Variants in P2RY12 observed in about 807,000 individuals in gnomAD.
P2RY12 encodes P2Y purinoceptor 12.
Under a neutral mutation model 4.5 loss-of-function variants are expected in P2RY12, and 3 were observed. The ratio of observed to expected loss-of-function variants is 0.67; its 90% CI spans 0.31 to 1.74. The LOEUF (loss-of-function observed/expected upper bound fraction) is 1.74, where lower values mean the gene tolerates loss of function less well. P2RY12 is among the 40% of genes most tolerant of loss of function. P2RY12 has a pLI of 0.09. For missense variants in P2RY12, 356 were observed against 407.8 expected (o/e 0.87, Z 1.09); for synonymous variants, 148 against 154.1 (o/e 0.96, Z 0.29).
intron 1 of P2RY12, among the ~76,000 whole-genome samples, chr3:151,350,770 A>G (rs1434572110): frequency 1.3e-5 from 2 of 152,242 alleles, no homozygotes; most frequent in African/African-American, 2.4e-5. Flanking sequence ...TCTTTGCTCT[A>G]TAATGTCTTC....
chr3:151,358,189 A>C (rs1754168626), intron 1 of P2RY12, among the ~76,000 whole-genome samples: 1 of 152,124 alleles, frequency 6.6e-6, no homozygotes, highest in South Asian at 2.1e-4. Flanking sequence ...CTATTCTGGG[A>C]AAGAGGAAAT....
At chr3:151,371,551 T>C (rs1251141038) in intron 1 of P2RY12, among the ~76,000 whole-genome samples, 4 of 152,230 alleles carry the variant, frequency 2.6e-5, no homozygotes, top group African/African-American at 4.8e-5. Context: ...AAATACTCAG[T>C]AAGCCATTTT....
intron 1 of P2RY12, chr3:151,357,123 G>A (rs1754031476): frequency 1.9e-6 from 2 of 1,071,564 alleles, no homozygotes. Context: ...GTAGTGTAAT[G>A]ACTCAGTATA....
At chr3:151,365,703 A>G in intron 1 of P2RY12, 1 of 695,652 alleles carries the variant, frequency 1.4e-6, no homozygotes, top group Non-Finnish European at 2.2e-6. Flanking sequence ...GGTTCTACTA[A>G]GTTATTTGAC....
intron 1 of P2RY12, chr3:151,376,267 T>C (rs1756841958): frequency 7.8e-7 from 1 of 1,285,260 alleles, no homozygotes; most frequent in African/African-American, 1.5e-5. Context: ...TTCGTAATAA[T>C]AAAAAGAGTT....
intron 1 of P2RY12, among the ~76,000 whole-genome samples, chr3:151,351,757 A>C (rs1372155596): frequency 1.3e-5 from 2 of 152,124 alleles, no homozygotes; most frequent in African/African-American, 2.4e-5. Flanking sequence ...GTCTTTCCAG[A>C]GCCTATGGAA....
chr3:151,382,333 C>T (rs9289836), intron 1 of P2RY12, among the ~76,000 whole-genome samples: 40,574 of 151,934 alleles, frequency 0.27, 5,897 homozygotes, highest in South Asian at 0.38. Flanking sequence ...TGTTTTTCTT[C>T]GTAAGATCAA....
intron 1 of P2RY12, among the ~76,000 whole-genome samples, chr3:151,381,011 G>A (rs1383824940): frequency 6.6e-6 from 1 of 152,278 alleles, no homozygotes; most frequent in Non-Finnish European, 1.5e-5. Flanking sequence ...GAAATAATTT[G>A]GACATTGCCT....
chr3:151,378,054 C>G, intron 1 of P2RY12: 2 of 1,610,298 alleles, frequency 1.2e-6, no homozygotes, highest in Non-Finnish European at 1.7e-6. Flanking sequence ...CCCCCCTCAT[C>G]GCCAGGTTGC....
At chr3:151,365,983 A>G (rs1755223183) in intron 1 of P2RY12, 1 of 1,577,100 alleles carries the variant, frequency 6.3e-7, no homozygotes, top group Non-Finnish European at 8.6e-7. Context: ...TGTACTTTGC[A>G]CTGTAGATGT....
chr3:151,381,997 C>CT (rs1009907958), intron 1 of P2RY12, among the ~76,000 whole-genome samples: 4 of 151,450 alleles, frequency 2.6e-5, no homozygotes, highest in East Asian at 1.9e-4. Context: ...TTGAATTGCA[C>CT]TTTTTTTTTG....
chr3:151,365,137 C>A lies in P2RY12; in HGVS notation c.-180+19555G>T. The A allele has an allele frequency of 1.2e-6, 2 of 1,614,014 alleles. No homozygotes were observed. The highest frequency in any genetic ancestry group is 2.2e-5 in the East Asian group (1 of 44,880). ...CTGGGCAAGATCCTCAGTGACAATG[C>A]GGCCAATCGCTACAGCTTTGTCTGC... is the stretch of plus-strand genomic sequence containing the variant. On this transcript the variant is annotated intron_variant, in intron 1 of 2. Transcript: ENST00000302632.
At chr3:151,349,848 G>C (rs1752999338) in intron 1 of P2RY12, among the ~76,000 whole-genome samples, 1 of 141,880 alleles carries the variant, frequency 7.0e-6, no homozygotes, top group South Asian at 2.3e-4. Context: ...CAGGTCAGTT[G>C]ACACTTTTTT....
intron 1 of P2RY12, among the ~76,000 whole-genome samples, chr3:151,363,153 G>C (rs892207864): frequency 1.5e-4 from 23 of 152,088 alleles, no homozygotes; most frequent in African/African-American, 5.3e-4. Flanking sequence ...TAATTACTCA[G>C]GGGTCAGCAG....
intron 1 of P2RY12, among the ~76,000 whole-genome samples, chr3:151,379,511 G>A (rs1213619686): frequency 1.3e-5 from 2 of 152,138 alleles, no homozygotes; most frequent in Non-Finnish European, 2.9e-5. Context: ...TGGATGCTGC[G>A]GGCTATGTTG....
Position 151,337,362 on chromosome 3 carries a change from T to C in P2RY12, c.*455A>G, listed in dbSNP as rs528312582. On this transcript the variant is annotated 3_prime_UTR_variant, in exon 3 of 3. Coordinates refer to ENST00000302632, the MANE Select transcript of P2RY12 (RefSeq NM_022788.5). ...AAATTTTTATAAGTATCCCAATAGGTCAGGATTTGGTTAGGGGACTAGGAT... is the reference window on the plus strand; with the variant it reads ...AAATTTTTATAAGTATCCCAATAGGCCAGGATTTGGTTAGGGGACTAGGAT... The C allele has an allele frequency of 3.8e-5, 6 of 158,086 alleles. No homozygotes were observed. The South Asian group carries it at 1.1e-3, about 29-fold the overall frequency. 9.8% of individuals were successfully genotyped at this position (158,086 alleles called of 1,614,324 possible). A position where few individuals can be genotyped will look rare whatever the true frequency, so the allele number is the denominator to read the frequency against.
intron 1 of P2RY12, among the ~76,000 whole-genome samples, chr3:151,361,552 C>T (rs1279449549): frequency 2.0e-5 from 3 of 152,160 alleles, no homozygotes; most frequent in African/African-American, 7.2e-5. Flanking sequence ...CCTGTCAATA[C>T]ATCTTATTGC....
At chr3:151,374,388 A>T (rs1336028734) in intron 1 of P2RY12, among the ~76,000 whole-genome samples, 2 of 152,100 alleles carry the variant, frequency 1.3e-5, no homozygotes, top group Non-Finnish European at 2.9e-5. Flanking sequence ...TCTCTACTAA[A>T]AATACAAAAA....
intron 1 of P2RY12, among the ~76,000 whole-genome samples, chr3:151,345,313 C>G (rs60196145): frequency 0.024 from 3,582 of 152,160 alleles, 137 homozygotes; most frequent in African/African-American, 0.083. Context: ...AGGGAATAAA[C>G]AAGAGTAATT....
Sources: allele counts gnomAD v4.1 joint callset (sites outside exome capture counted in the v4.1 genomes callset), GRCh38; gene constraint gnomAD v4.1.1; transcripts MANE v1.5; gene names NCBI Gene and HGNC (gene_info 2026-07-23, HGNC 2026-07-21).